The following NDRG4 variants were observed in gnomAD, a reference collection of about 807,000 sequenced individuals.
The protein encoded by NDRG4 is protein NDRG4.
NDRG4 carries 38 observed loss-of-function variants against 55.8 expected under a neutral mutation model. That is an observed-to-expected ratio of 0.68 (90% CI 0.53 to 0.89). The LOEUF (loss-of-function observed/expected upper bound fraction) is 0.89, where lower values mean the gene tolerates loss of function less well. Ranked by LOEUF, NDRG4 falls within the 40% of genes least tolerant of loss-of-function variation. NDRG4 has a pLI of 0.00. For missense variants in NDRG4, 455 were observed against 468.6 expected (o/e 0.97, Z 0.27); for synonymous variants, 190 against 182.7 (o/e 1.04, Z -0.32).
chr16:58,504,296 T>C (rs1277696019), intron 3 of NDRG4, 22 bp downstream of exon 3: 3 of 1,614,060 alleles, frequency 1.9e-6, no homozygotes, highest in Admixed American at 1.7e-5. Flanking sequence ...GAGCCCCCTC[T>C]GCCTGTCTCC....
intron 1 of NDRG4, among the ~76,000 whole-genome samples, chr16:58,480,234 C>T (rs1431848021): frequency 1.3e-5 from 2 of 152,230 alleles, no homozygotes; most frequent in Non-Finnish European, 2.9e-5. Context: ...AATTCTCTTG[C>T]CTCAGCCTTC....
chr16:58,505,188 A>T (rs1009212495), intron 5 of NDRG4, among the ~76,000 whole-genome samples: 5 of 152,032 alleles, frequency 3.3e-5, no homozygotes, highest in Admixed American at 2.6e-4. Flanking sequence ...TCTCTACTAA[A>T]AATACAAAAA....
chr16:58,514,359 A>T (rs376423753), downstream of NDRG4, among the ~76,000 whole-genome samples: 4 of 152,328 alleles, frequency 2.6e-5, no homozygotes, highest in East Asian at 3.9e-4. Flanking sequence ...TCAACATACC[A>T]ATCCTTACAT....
At chr16:58,509,445 G>C in intron 13 of NDRG4, 93 bp downstream of exon 13, 1 of 1,348,896 alleles carries the variant, frequency 7.4e-7, no homozygotes, top group Non-Finnish European at 1.0e-6. Flanking sequence ...CTGGCACGTG[G>C]TGTCAGGTGG....
At chr16:58,490,200 G>C (rs1190784258) in intron 2 of NDRG4, among the ~76,000 whole-genome samples, 3 of 152,218 alleles carry the variant, frequency 2.0e-5, no homozygotes, top group Non-Finnish European at 4.4e-5. Flanking sequence ...TGATAGGGCA[G>C]ATGGTGGCCC....
At position 58,511,831 on chromosome 16, in the gene NDRG4, A is replaced by G; in HGVS notation, c.*255A>G. 1.9e-6 allele frequency: 1 copy of G among 538,326 alleles called. No individual in the cohort carries two copies. Among genetic ancestry groups the G allele is most frequent in the Non-Finnish European group, 3.5e-6 (1 of 289,510 alleles). 33.3% of individuals were successfully genotyped at this position (538,326 alleles called of 1,614,324 possible). On this transcript the variant is annotated 3_prime_UTR_variant, in exon 15 of 15. Coordinates refer to ENST00000570248, the MANE Select transcript of NDRG4 (RefSeq NM_001242835.2). The stretch of plus-strand genomic sequence containing the variant: ...CCTCTCATCCCACTCCCGGCGGCCC[A>G]GGCACAGAAGGGCAGGGCCATAGGG...
At chr16:58,487,935 CCG>C (rs1800509622) in intron 2 of NDRG4, 1 of 1,080,126 alleles carries the variant, frequency 9.3e-7, no homozygotes, top group Admixed American at 2.8e-5. Context: ...TTTCCTGCAG[CCG>C]ACCCTCCCTA....
At chr16:58,503,742 A>T (rs745877706) in intron 1 of NDRG4, 56 bp from the exon 2 acceptor site, 1 of 1,609,160 alleles carries the variant, frequency 6.2e-7, no homozygotes. Context: ...CTCATTCCCC[A>T]GAGGAGCCAA....
At chr16:58,501,704 C>T (rs1015707153) in intron 1 of NDRG4, 40 of 283,334 alleles carry the variant, frequency 1.4e-4, no homozygotes, top group Admixed American at 1.1e-3. Flanking sequence ...CCAGGCCCAG[C>T]CCCAGCCCTT....
intron 10 of NDRG4, among the ~76,000 whole-genome samples, chr16:58,508,726 T>A (rs922955162): frequency 6.6e-6 from 1 of 152,116 alleles, no homozygotes; most frequent in Non-Finnish European, 1.5e-5. Context: ...CTCCTAGCAG[T>A]TGTGAGTGGG....
intron 1 of NDRG4, chr16:58,500,710 GC>G: frequency 2.4e-6 from 1 of 423,810 alleles, no homozygotes; most frequent in South Asian, 6.3e-5. Context: ...TCCTTGGTGA[GC>G]CCCCGAGGCT....
chr16:58,506,109 T>C, intron 5 of NDRG4: 2 of 595,852 alleles, frequency 3.4e-6, no homozygotes, highest in East Asian at 3.2e-5. Flanking sequence ...AAAAATATAT[T>C]AAGAGCTGAT....
At chr16:58,498,380 T>C (rs893833099), upstream of NDRG4, among the ~76,000 whole-genome samples, 1 of 152,034 alleles carries the variant, frequency 6.6e-6, no homozygotes. Context: ...AGAGATGGAA[T>C]AGGTGCCCCC....
intron 5 of NDRG4, among the ~76,000 whole-genome samples, chr16:58,505,199 A>C (rs1022068389): frequency 6.6e-6 from 1 of 151,988 alleles, no homozygotes; most frequent in East Asian, 1.9e-4. Context: ...AATACAAAAA[A>C]TTAGCCGGGC....
At chr16:58,503,112 G>C (rs917975350) in intron 1 of NDRG4, among the ~76,000 whole-genome samples, 4 of 152,348 alleles carry the variant, frequency 2.6e-5, no homozygotes, top group African/African-American at 9.6e-5. Context: ...TCCTGAGGAA[G>C]TAATGACCTT....
At chr16:58,492,550 G>T (rs1167896369) in intron 2 of NDRG4, among the ~76,000 whole-genome samples, 1 of 111,732 alleles carries the variant, frequency 8.9e-6, no homozygotes, top group African/African-American at 3.3e-5. Context: ...GTGTGTGTGT[G>T]TGAGAGACAG....
chr16:58,493,990 G>T (rs369770122), intron 2 of NDRG4, among the ~76,000 whole-genome samples: 1 of 152,184 alleles, frequency 6.6e-6, no homozygotes, highest in Non-Finnish European at 1.5e-5. Flanking sequence ...ACTCAGACGC[G>T]GGGTTCCAGC....
chr16:58,497,825 C>T (rs2151752494), upstream of NDRG4, among the ~76,000 whole-genome samples: 1 of 152,276 alleles, frequency 6.6e-6, no homozygotes, highest in South Asian at 2.1e-4. Context: ...TCATTTCTCC[C>T]CTGCCAGGAC....
At chr16:58,476,886 A>G (rs1375791296) in intron 1 of NDRG4, among the ~76,000 whole-genome samples, 2 of 152,202 alleles carry the variant, frequency 1.3e-5, no homozygotes, top group East Asian at 3.8e-4. Context: ...GAGTTCTTTC[A>G]GTAAGTACAA....
Sources: gnomAD v4.1 joint callset for allele counts (sites outside exome capture counted in the v4.1 genomes callset) on GRCh38, gnomAD v4.1.1 for gene constraint, MANE v1.5 for transcripts, NCBI Gene and HGNC (gene_info 2026-07-23, HGNC 2026-07-21) for gene names.